Variants in EIF4E2 observed in about 807,000 individuals in gnomAD.
The protein encoded by EIF4E2 is eukaryotic translation initiation factor 4E family member 2.
EIF4E2 carries 13 observed loss-of-function variants against 34.2 expected under a neutral mutation model. That is an observed-to-expected ratio of 0.38 (90% CI 0.25 to 0.60). The LOEUF (loss-of-function observed/expected upper bound fraction) is 0.60. Among genes scored for constraint, EIF4E2 ranks in the 20% least tolerant of loss-of-function variants. The probability of loss-of-function intolerance (pLI) is 0.62; values close to 1 mark genes in which losing one functional copy is unlikely to be tolerated. For synonymous variants in EIF4E2, 100 were observed against 106.6 expected, an observed-to-expected ratio of 0.94 and a Z score of 0.38; for missense variants, 222 against 315.1, an observed-to-expected ratio of 0.70 and a Z score of 2.24.
At chr2:232,571,703 TATC>T (rs997853996), downstream of EIF4E2, among the ~76,000 whole-genome samples, 4 of 152,228 alleles carry the variant, frequency 2.6e-5, no homozygotes, top group African/African-American at 9.6e-5. Context: ...CACATCTAGA[TATC>T]ATTGTATTTC....
At chr2:232,569,230 T>A (rs1268079352), downstream of EIF4E2, 3 of 1,397,198 alleles carry the variant, frequency 2.1e-6, no homozygotes, top group Non-Finnish European at 2.8e-6. Context: ...ATGCTCTTGC[T>A]CTTTATGGTG....
intron 1 of EIF4E2, 169 bp downstream of exon 1, chr2:232,550,913 T>C (rs1692285663): frequency 2.8e-6 from 2 of 707,306 alleles, no homozygotes; most frequent in African/African-American, 1.8e-5. Flanking sequence ...TGGGGAGCAA[T>C]GGATACCGGA....
chr2:232,567,132 C>G lies in EIF4E2; in HGVS notation c.583C>G (p.Arg195Gly). 1 of 1,614,122 alleles carries G rather than the reference C, an allele frequency of 6.2e-7. No individual in the cohort carries two copies. Among genetic ancestry groups the G allele is most frequent in the Non-Finnish European group, 8.5e-7 (1 of 1,180,024 alleles). ...KTASDQATTARIRDTLRRVLN... is the reference protein window; with the variant it reads ...KTASDQATTAGIRDTLRRVLN... ...TGCCAGTGACCAAGCAACCACAGCC[C>G]GAATCCGGGACACACTTCGGCGAGT... The change falls in exon 6 of 7, where the codon CGA becomes GGA. Residue 195 changes from arginine to glycine, a missense_variant. By Grantham distance (125) the Arg-to-Gly change is moderately radical. This residue lies in a region of EIF4E2 where 105 missense variants were observed against 195.1 expected (regional missense o/e 0.54). Transcript: ENST00000258416.
rs185382093 is a variant in EIF4E2 at position 232,557,201 on chromosome 2, C to T, written c.135+671C>T. On this transcript the variant is annotated intron_variant, in intron 2 of 6. Coordinates refer to ENST00000258416, the MANE Select transcript of EIF4E2 (RefSeq NM_004846.4). ...CAGAGGTTGCAGTGAGCCGAGGTCG[C>T]GCCACTGCACTCCAGCCTGGCAACA... is the stretch of plus-strand genomic sequence containing the variant. Among the ~76,000 whole-genome samples, 553 of 152,234 alleles carry T rather than the reference C, an allele frequency of 3.6e-3. 5 individuals carry two copies. The highest frequency in any genetic ancestry group is 0.01 in the Middle Eastern group (3 of 294).
chr2:232,551,506 T>G (rs913254224), intron 1 of EIF4E2, among the ~76,000 whole-genome samples: 3 of 152,194 alleles, frequency 2.0e-5, no homozygotes, highest in African/African-American at 7.2e-5. Context: ...GTCTAGTAAA[T>G]CGACTGTCTC....
At chr2:232,556,329 A>C in intron 1 of EIF4E2, 87 bp from the exon 2 acceptor site, 1 of 1,046,514 alleles carries the variant, frequency 9.6e-7, no homozygotes, top group Non-Finnish European at 1.4e-6. Flanking sequence ...GGTTGGTTAC[A>C]TAGTAGTTCG....
At chr2:232,556,390 T>C in intron 1 of EIF4E2, 26 bp from the exon 2 acceptor site, 1 of 1,579,278 alleles carries the variant, frequency 6.3e-7, no homozygotes, top group Non-Finnish European at 8.7e-7. Context: ...CGTCACAGAA[T>C]TGTATTGTGT....
At chr2:232,571,157 G>T (rs1224181746), downstream of EIF4E2, among the ~76,000 whole-genome samples, 2 of 152,152 alleles carry the variant, frequency 1.3e-5, no homozygotes, top group Non-Finnish European at 2.9e-5. Context: ...CAGTCACACT[G>T]CTTGTGGCCT....
At chr2:232,574,271 A>C in intron 6 of EIF4E2, 22 of 1,550,420 alleles carry the variant, frequency 1.4e-5, no homozygotes, top group Non-Finnish European at 1.8e-5. Flanking sequence ...AGGGCCTGGG[A>C]GGAGTTTCAT....
At chr2:232,558,976 C>T (rs1692620465) in intron 3 of EIF4E2, among the ~76,000 whole-genome samples, 1 of 151,626 alleles carries the variant, frequency 6.6e-6, no homozygotes, top group South Asian at 2.1e-4. Flanking sequence ...ATTATGTACC[C>T]AGTGTGTGCT....
chr2:232,576,638 A>G (rs1310529089), intron 6 of EIF4E2, among the ~76,000 whole-genome samples: 3 of 152,192 alleles, frequency 2.0e-5, no homozygotes, highest in Non-Finnish European at 2.9e-5. Context: ...GGGGGGAAAA[A>G]TGAATTTACA....
chr2:232,557,042 C>G (rs967084254), intron 2 of EIF4E2, among the ~76,000 whole-genome samples: 5 of 152,150 alleles, frequency 3.3e-5, no homozygotes, highest in African/African-American at 1.2e-4. Flanking sequence ...GTCAAGAGAT[C>G]GAGACCATCC....
intron 6 of EIF4E2, among the ~76,000 whole-genome samples, chr2:232,580,084 C>CCCCACACA (rs1416289324): frequency 6.9e-6 from 1 of 145,280 alleles, no homozygotes; most frequent in Admixed American, 7.0e-5. Flanking sequence ...CACATACATA[C>CCCCACACA]CACACACACA....
At chr2:232,579,108 A>G (rs1693284752) in intron 6 of EIF4E2, among the ~76,000 whole-genome samples, 1 of 139,842 alleles carries the variant, frequency 7.2e-6, no homozygotes, top group African/African-American at 2.6e-5. Context: ...TATTTTCCCT[A>G]AGAGAACTCA....
At chr2:232,573,843 G>T (rs1192095468), downstream of EIF4E2, 13 of 354,132 alleles carry the variant, frequency 3.7e-5, no homozygotes, top group Non-Finnish European at 5.6e-6. Flanking sequence ...TTTACCCTCA[G>T]TGAGGCCTGA....
chr2:232,559,260 G>A (rs1692631911), intron 3 of EIF4E2, among the ~76,000 whole-genome samples: 1 of 148,170 alleles, frequency 6.7e-6, no homozygotes, highest in African/African-American at 2.5e-5. Flanking sequence ...TTGTATGCTA[G>A]ATATATTATA....
At chr2:232,560,580 A>G (rs997962421) in intron 3 of EIF4E2, among the ~76,000 whole-genome samples, 6 of 152,226 alleles carry the variant, frequency 3.9e-5, no homozygotes, top group Admixed American at 6.5e-5. Context: ...GTTTGAGACC[A>G]GCCTGGGCAA....
rs187855722 is a variant in EIF4E2, at chr2:232,566,255, C to T, written c.376-574C>T. Among the ~76,000 whole-genome samples the T allele has an allele frequency of 1.6e-3, 249 of 152,234 alleles. 2 individuals carry two copies. The highest frequency in any genetic ancestry group is 0.012 in the South Asian group (60 of 4,812). On this transcript the variant is annotated intron_variant, in intron 4 of 6. Transcript: ENST00000258416. This position sits in a 1 kb window ranked among gnomAD's most constrained non-coding sequence, Gnocchi z 4.9. ...AGGCGGGAGTGCAGTGGCACGATCTCGGCTCCCTGCAAGCTCTGCCTCCCG... is the reference window on the plus strand; with the variant it reads ...AGGCGGGAGTGCAGTGGCACGATCTTGGCTCCCTGCAAGCTCTGCCTCCCG...
rs192532890 is a variant in EIF4E2, at chr2:232,576,585, G to A, written c.666-4319G>A. 5.3e-5 allele frequency among the ~76,000 whole-genome samples: 8 copies of A among 152,286 alleles called. No individual in the cohort carries two copies. In the East Asian group the frequency reaches 9.7e-4, roughly 18 times the overall value. On this transcript the variant is annotated intron_variant, in intron 6 of 6. Coordinates refer to the EIF4E2 transcript ENST00000409098. ...CCTTAAAGCACAGGCTTGGAAGTCC[G>A]TGAAGAGTGTTTGAATTTAAACCAA...
Sources: gnomAD v4.1 joint callset for allele counts (sites outside exome capture counted in the v4.1 genomes callset) on GRCh38, gnomAD v4.1.1 for gene constraint, gnomAD v4.1.1 regional missense constraint, Gnocchi (gnomAD v3.1) non-coding constraint, MANE v1.5 for transcripts, NCBI Gene and HGNC (gene_info 2026-07-23, HGNC 2026-07-21) for gene names.